The following GPC5 variants were observed in gnomAD, a reference collection of about 807,000 sequenced individuals.
GPC5 encodes the protein glypican-5.
In GPC5, 47 loss-of-function variants were observed where a neutral mutation model predicts 53.9. That is an observed-to-expected ratio of 0.87 (90% confidence interval 0.69 to 1.11). The LOEUF is 1.11. Among genes scored for constraint, GPC5 ranks in the 50% most tolerant of loss-of-function variants. The pLI is 0.00. For missense variants in GPC5, 748 were observed against 713.1 expected (o/e 1.05, Z -0.56); for synonymous variants, 286 against 263.3 (o/e 1.09, Z -0.84).
intron 7 of GPC5, among the ~76,000 whole-genome samples, chr13:92,588,544 A>G (rs1883615889): frequency 1.3e-5 from 2 of 152,198 alleles, no homozygotes; most frequent in African/African-American, 4.8e-5. Context: ...CTCCCTATCC[A>G]GATAGCTATG....
intron 7 of GPC5, among the ~76,000 whole-genome samples, chr13:92,345,355 A>C (rs1320245046): frequency 2.6e-5 from 4 of 152,142 alleles, no homozygotes; most frequent in Non-Finnish European, 4.4e-5. Context: ...AATGTATGAA[A>C]GAGAAAAAAT....
At chr13:92,570,718 A>C (rs949684645) in intron 7 of GPC5, among the ~76,000 whole-genome samples, 30 of 152,168 alleles carry the variant, frequency 2.0e-4, no homozygotes, top group African/African-American at 6.8e-4. Context: ...CCAACACAGC[A>C]GAACCTACCA....
intron 4 of GPC5, among the ~76,000 whole-genome samples, chr13:91,743,060 G>A (rs1332109590): frequency 6.6e-6 from 1 of 151,982 alleles, no homozygotes; most frequent in Non-Finnish European, 1.5e-5. Context: ...TTATATGGCT[G>A]AAAACATCTT....
chr13:92,705,428 T>C (rs1251803505), intron 7 of GPC5, among the ~76,000 whole-genome samples: 1 of 152,142 alleles, frequency 6.6e-6, no homozygotes, highest in Non-Finnish European at 1.5e-5. Context: ...TAGCTACATA[T>C]GGCTATAAAA....
chr13:92,716,747 A>T (rs1888340994), intron 7 of GPC5, among the ~76,000 whole-genome samples: 1 of 152,164 alleles, frequency 6.6e-6, no homozygotes, highest in Admixed American at 6.6e-5. Flanking sequence ...GTAGCAAAAA[A>T]ATACTCCAAG....
At chr13:91,451,135 C>T (rs973774058) in intron 2 of GPC5, among the ~76,000 whole-genome samples, 2 of 152,018 alleles carry the variant, frequency 1.3e-5, no homozygotes, top group Admixed American at 6.6e-5. Flanking sequence ...TTTTGGGAAA[C>T]GTCTACTTGA....
intron 6 of GPC5, among the ~76,000 whole-genome samples, chr13:91,999,380 T>C (rs1203399453): frequency 3.3e-5 from 5 of 152,148 alleles, no homozygotes; most frequent in Admixed American, 6.6e-5. Flanking sequence ...CATTGTCAAC[T>C]TCAACCTCAA....
intron 7 of GPC5, among the ~76,000 whole-genome samples, chr13:92,175,240 T>C (rs1381596293): frequency 6.6e-6 from 1 of 152,214 alleles, no homozygotes; most frequent in African/African-American, 2.4e-5. Context: ...TTAACCTGTT[T>C]TCAGATTTAA....
intron 7 of GPC5, among the ~76,000 whole-genome samples, chr13:92,629,629 A>G (rs1400960299): frequency 6.6e-6 from 1 of 152,228 alleles, no homozygotes; most frequent in African/African-American, 2.4e-5. Context: ...AATAAATATT[A>G]AAGTACAGAG....
At chr13:92,834,737 T>G (rs540600550) in intron 7 of GPC5, among the ~76,000 whole-genome samples, 1 of 152,256 alleles carries the variant, frequency 6.6e-6, no homozygotes, top group Admixed American at 6.5e-5. Flanking sequence ...AGAGAAAATG[T>G]ATAAAGAGAT....
At chr13:91,613,176 G>A (rs139402716) in intron 2 of GPC5, among the ~76,000 whole-genome samples, 132 of 152,254 alleles carry the variant, frequency 8.7e-4, no homozygotes, top group African/African-American at 2.6e-3. Flanking sequence ...GTTTTATTCC[G>A]TGTTAATGCT....
At chr13:92,633,906 T>G (rs1885335949) in intron 7 of GPC5, among the ~76,000 whole-genome samples, 1 of 152,148 alleles carries the variant, frequency 6.6e-6, no homozygotes, top group Non-Finnish European at 1.5e-5. Flanking sequence ...TGTTCTTTTG[T>G]GTACATGGGT....
chr13:92,009,247 G>T (rs1215059481), intron 6 of GPC5, among the ~76,000 whole-genome samples: 1 of 72,178 alleles, frequency 1.4e-5, no homozygotes, highest in Non-Finnish European at 3.3e-5. Flanking sequence ...TTGAGTGCTG[G>T]ATTTTCGTGT....
At chr13:91,408,797 A>G (rs1054748176) in intron 1 of GPC5, among the ~76,000 whole-genome samples, 7 of 152,294 alleles carry the variant, frequency 4.6e-5, no homozygotes, top group African/African-American at 1.4e-4. Context: ...AACCAAATCT[A>G]TTTCAGTTCT....
At chr13:91,612,902 C>T (rs1197435041) in intron 2 of GPC5, among the ~76,000 whole-genome samples, 1 of 152,070 alleles carries the variant, frequency 6.6e-6, no homozygotes, top group Non-Finnish European at 1.5e-5. Flanking sequence ...TGGTAGGTGA[C>T]CTGAATAGGG....
At chr13:92,773,737 G>A (rs894781680) in intron 7 of GPC5, among the ~76,000 whole-genome samples, 2 of 152,046 alleles carry the variant, frequency 1.3e-5, no homozygotes, top group Non-Finnish European at 2.9e-5. Flanking sequence ...TTCTCTCTTT[G>A]TAAGAGTATT....
chr13:92,587,302 T>C (rs1424963755), intron 7 of GPC5, among the ~76,000 whole-genome samples: 2 of 152,322 alleles, frequency 1.3e-5, no homozygotes, highest in East Asian at 1.9e-4. Context: ...TGATAACACA[T>C]ATTATGTTTT....
At chr13:92,313,568 T>C (rs16947347) in intron 7 of GPC5, among the ~76,000 whole-genome samples, 3,497 of 152,314 alleles carry the variant, frequency 0.023, 149 homozygotes, top group African/African-American at 0.08. Context: ...GTGCCAGAAG[T>C]TGTTTCCCTT....
chr13:92,414,702 C>A (rs149245159), intron 7 of GPC5, among the ~76,000 whole-genome samples: 1 of 152,034 alleles, frequency 6.6e-6, no homozygotes, highest in Non-Finnish European at 1.5e-5. Flanking sequence ...AACTTATAAA[C>A]GACAAAAATT....
Sources: allele counts gnomAD v4.1 joint callset (sites outside exome capture counted in the v4.1 genomes callset), GRCh38; gene constraint gnomAD v4.1.1; transcripts MANE v1.5; gene names NCBI Gene and HGNC (gene_info 2026-07-23, HGNC 2026-07-21).